Variants in GTF2IRD1 observed in about 807,000 individuals in gnomAD.
The protein encoded by GTF2IRD1 is general transcription factor II-I repeat domain-containing protein 1.
Under a neutral mutation model 113.2 loss-of-function variants are expected in GTF2IRD1, and 26 were observed. The observed-to-expected ratio is 0.23, with a 90% CI of 0.17 to 0.32. The LOEUF is 0.32. GTF2IRD1 is among the 10% of genes least tolerant of loss of function. GTF2IRD1 has a pLI of 1.00. For synonymous variants in GTF2IRD1, 484 were observed against 529.1 expected, an observed-to-expected ratio of 0.91 and a Z score of 1.17; for missense variants, 864 against 1,280.8, an observed-to-expected ratio of 0.67 and a Z score of 4.97.
At chr7:74,531,001 C>T (rs1029029093) in intron 9 of GTF2IRD1, among the ~76,000 whole-genome samples, 9 of 151,924 alleles carry the variant, frequency 5.9e-5, no homozygotes, top group Non-Finnish European at 1.0e-4. Flanking sequence ...CACAGGAGTT[C>T]GAGACTGCAG....
intron 10 of GTF2IRD1, among the ~76,000 whole-genome samples, chr7:74,535,760 G>A (rs1554350050): frequency 1.3e-5 from 2 of 152,230 alleles, no homozygotes; most frequent in African/African-American, 4.8e-5. Flanking sequence ...TGTGAGATGA[G>A]GATAAGGGCG....
intron 22 of GTF2IRD1, among the ~76,000 whole-genome samples, chr7:74,575,976 T>C (rs1801025050): frequency 1.3e-5 from 2 of 151,464 alleles, no homozygotes; most frequent in South Asian, 2.1e-4. Flanking sequence ...GAGACAAGCC[T>C]GGGCAACATA....
intron 1 of GTF2IRD1, among the ~76,000 whole-genome samples, chr7:74,472,984 C>T (rs1794195191): frequency 6.6e-6 from 1 of 152,192 alleles, no homozygotes; most frequent in African/African-American, 2.4e-5. Context: ...ATCTGCAACA[C>T]CGCAGCGGAG....
intron 25 of GTF2IRD1, among the ~76,000 whole-genome samples, chr7:74,599,881 A>G (rs960111901): frequency 7.9e-5 from 12 of 151,624 alleles, no homozygotes; most frequent in Non-Finnish European, 5.9e-5. Flanking sequence ...CCTCCCCAGA[A>G]CTCCCAGAGC....
chr7:74,514,425 C>T (rs904161466), intron 3 of GTF2IRD1, among the ~76,000 whole-genome samples: 2 of 152,132 alleles, frequency 1.3e-5, no homozygotes, highest in Non-Finnish European at 2.9e-5. Context: ...GAGCCTGAGG[C>T]GGTGCACCTG....
At chr7:74,498,739 T>C (rs1795862266) in intron 1 of GTF2IRD1, among the ~76,000 whole-genome samples, 1 of 151,814 alleles carries the variant, frequency 6.6e-6, no homozygotes, top group Non-Finnish European at 1.5e-5. Flanking sequence ...TTTTTTTTTT[T>C]TTTAAATAAG....
chr7:74,517,402 G>C, intron 4 of GTF2IRD1, among the ~76,000 whole-genome samples: 1 of 142,786 alleles, frequency 7.0e-6, no homozygotes, highest in South Asian at 2.3e-4. Context: ...CCCCCCTCTC[G>C]GTCTCTCTCC....
At chr7:74,556,915 C>T (rs879997209) in intron 19 of GTF2IRD1, among the ~76,000 whole-genome samples, 8 of 151,880 alleles carry the variant, frequency 5.3e-5, no homozygotes, top group Non-Finnish European at 1.0e-4. Flanking sequence ...TGAGCCGCCG[C>T]GCCCGGTCAC....
chr7:74,469,080 A>G (rs1351646032), intron 1 of GTF2IRD1, among the ~76,000 whole-genome samples: 2 of 60,818 alleles, frequency 3.3e-5, no homozygotes, highest in East Asian at 8.7e-4. Flanking sequence ...GCGAGACTCC[A>G]TCTCAAAAAA....
chr7:74,511,828 G>T (rs1428919010), intron 2 of GTF2IRD1, among the ~76,000 whole-genome samples: 2 of 152,192 alleles, frequency 1.3e-5, no homozygotes, highest in African/African-American at 4.8e-5. Flanking sequence ...TTCCTGGTGG[G>T]GTAGGTCAGA....
At chr7:74,573,881 T>C (rs1415642050) in intron 22 of GTF2IRD1, among the ~76,000 whole-genome samples, 2 of 152,216 alleles carry the variant, frequency 1.3e-5, no homozygotes, top group African/African-American at 4.8e-5. Flanking sequence ...GGGGCGCAGG[T>C]GCAGTCACTC....
intron 3 of GTF2IRD1, among the ~76,000 whole-genome samples, chr7:74,514,332 C>T (rs367937988): frequency 6.6e-6 from 1 of 152,130 alleles, no homozygotes; most frequent in South Asian, 2.1e-4. Flanking sequence ...GCCCTCAGAG[C>T]CTAGACCTTC....
At chr7:74,498,422 C>T (rs1795846040) in intron 1 of GTF2IRD1, among the ~76,000 whole-genome samples, 2 of 152,058 alleles carry the variant, frequency 1.3e-5, no homozygotes, top group South Asian at 4.2e-4. Context: ...TGATTCTGTC[C>T]AAAACTTCTC....
rs1583848728 is a variant in GTF2IRD1, at chr7:74,545,723, A to G, written c.1667-21A>G. ...GAAGCTGCCACCAACCAGCCTCAAC[A>G]GACTGCCTTTTGCCTTCCAGACAGC... is the stretch of plus-strand genomic sequence containing the variant. On this transcript the variant is annotated intron_variant, in intron 15 of 26. Coordinates refer to ENST00000424337, the MANE Select transcript of GTF2IRD1 (RefSeq NM_005685.4). The G allele has an allele frequency of 2.5e-6, 4 of 1,607,222 alleles. No homozygotes were observed. The Admixed American group carries it at 5.0e-5, about 20-fold the overall frequency.
intron 1 of GTF2IRD1, among the ~76,000 whole-genome samples, chr7:74,497,643 G>C (rs978185729): frequency 3.9e-5 from 6 of 152,094 alleles, no homozygotes; most frequent in Admixed American, 1.3e-4. Context: ...CAGCACACAG[G>C]GTTCCAATTT....
intron 1 of GTF2IRD1, among the ~76,000 whole-genome samples, chr7:74,459,318 C>T (rs1414087015): frequency 1.3e-5 from 2 of 152,026 alleles, no homozygotes; most frequent in African/African-American, 2.4e-5. Context: ...ATTAGCCAGG[C>T]GTAGTGGCGG....
At chr7:74,540,005 C>T (rs782058905) in intron 14 of GTF2IRD1, 37 bp downstream of exon 14, 4 of 1,464,480 alleles carry the variant, frequency 2.7e-6, no homozygotes, top group South Asian at 2.3e-5. Context: ...GCTTGGGACT[C>T]AGCTCTCCAG....
chr7:74,486,307 A>G (rs1795023233), intron 1 of GTF2IRD1, among the ~76,000 whole-genome samples: 1 of 152,208 alleles, frequency 6.6e-6, no homozygotes, highest in Non-Finnish European at 1.5e-5. Context: ...TGTCTCGTGT[A>G]ACAGGAGGCA....
chr7:74,467,041 C>T (rs1793766992), intron 1 of GTF2IRD1, among the ~76,000 whole-genome samples: 1 of 151,670 alleles, frequency 6.6e-6, no homozygotes, highest in South Asian at 2.1e-4. Context: ...ACCTCCGCCT[C>T]ATGGGTTAAA....
Sources: gnomAD v4.1 joint callset for allele counts (sites outside exome capture counted in the v4.1 genomes callset) on GRCh38, gnomAD v4.1.1 for gene constraint, MANE v1.5 for transcripts, NCBI Gene and HGNC (gene_info 2026-07-23, HGNC 2026-07-21) for gene names.